PBX3: variants seen among roughly 807,000 people sequenced by gnomAD.
PBX3 encodes the protein pre-B-cell leukemia transcription factor 3.
In PBX3, 14 loss-of-function variants were observed where a neutral mutation model predicts 48.5. That is an observed-to-expected ratio of 0.29 (90% CI 0.19 to 0.45). PBX3 has a LOEUF of 0.45. Among genes scored for constraint, PBX3 ranks in the 20% least tolerant of loss-of-function variants. PBX3 has a pLI of 1.00. For missense variants in PBX3, 386 were observed against 546.7 expected, an observed-to-expected ratio of 0.71 and a Z score of 2.93; for synonymous variants, 210 against 200.3, an observed-to-expected ratio of 1.05 and a Z score of -0.41.
chr9:125,807,697 G>GTT lies in PBX3; in HGVS notation c.274+59083_274+59084dup, dbSNP rs142443633. ...TCTAGATTATTATTGTTAGAAACAT[G>GTT]TTTTTTTTTTATTGTAGGTACATGA... On this transcript the variant is annotated intron_variant, in intron 2 of 8. Transcript: ENST00000373489. Among the ~76,000 whole-genome samples, 14 of 148,640 alleles carry GTT rather than the reference G, an allele frequency of 9.4e-5. No individual in the cohort carries two copies. The East Asian group carries it at 2.0e-3, about 21-fold the overall frequency.
chr9:125,812,923 TA>T (rs1564668819), intron 2 of PBX3, among the ~76,000 whole-genome samples: 1 of 152,220 alleles, frequency 6.6e-6, no homozygotes, highest in African/African-American at 2.4e-5. Context: ...ATAGGGCACT[TA>T]CCATGAATGG....
chr9:125,943,351 TCAAAAAAAAAAAAAAAAAAAAAAAAAA>T (rs1841999231), intron 5 of PBX3, among the ~76,000 whole-genome samples: 1 of 34,716 alleles, frequency 2.9e-5, no homozygotes. Context: ...TGAGACTGTC[TCAAAAAAAAAAAAAAAAAAAAAAAAAA>T]AAAAAAAAAA....
chr9:125,923,641 C>G (rs764611518), intron 3 of PBX3, among the ~76,000 whole-genome samples: 27 of 152,158 alleles, frequency 1.8e-4, no homozygotes, highest in Admixed American at 3.9e-4. Context: ...ACATGGCTCA[C>G]TGAAGCCTCG....
intron 3 of PBX3, among the ~76,000 whole-genome samples, chr9:125,919,135 G>T (rs1019691454): frequency 1.3e-5 from 2 of 152,038 alleles, no homozygotes; most frequent in African/African-American, 4.8e-5. Flanking sequence ...AATAATTCAG[G>T]TACGTTCTGG....
At chr9:125,870,304 A>C (rs1032050688) in intron 2 of PBX3, among the ~76,000 whole-genome samples, 1 of 151,954 alleles carries the variant, frequency 6.6e-6, no homozygotes, top group African/African-American at 2.4e-5. Context: ...CCTGACCTCA[A>C]GTGATCCACC....
chr9:125,885,086 TTACAGTCA>T (rs765088746), intron 2 of PBX3, among the ~76,000 whole-genome samples: 25 of 152,252 alleles, frequency 1.6e-4, no homozygotes, highest in Non-Finnish European at 3.2e-4. Context: ...TATGAATCTG[TTACAGTCA>T]TACAGCTATT....
rs1840154749 is a variant in PBX3, at chr9:125,872,685, A to C, written c.275-43001A>C. Among the ~76,000 whole-genome samples, 3 of 152,040 alleles carry C rather than the reference A, an allele frequency of 2.0e-5. No homozygotes were observed. In the South Asian group the frequency reaches 6.2e-4, roughly 32 times the overall value. ...TGAGGCAGGAGGATCGCTTGAGCCC[A>C]GGAATTTGAGGTTGCAGTGACCTAT... is the stretch of plus-strand genomic sequence containing the variant. On this transcript the variant is annotated intron_variant, in intron 2 of 8. Coordinates refer to ENST00000373489, the MANE Select transcript of PBX3 (RefSeq NM_006195.6).
chr9:125,822,951 T>C (rs533910218), intron 2 of PBX3, among the ~76,000 whole-genome samples: 1 of 151,846 alleles, frequency 6.6e-6, no homozygotes, highest in Admixed American at 6.5e-5. Flanking sequence ...TTGTGGGGTT[T>C]TTTAGTTTTT....
intron 2 of PBX3, among the ~76,000 whole-genome samples, chr9:125,894,173 T>A (rs1267061394): frequency 2.0e-5 from 3 of 152,200 alleles, no homozygotes; most frequent in African/African-American, 7.2e-5. Context: ...CATGATTGGA[T>A]ATCCTGAATA....
intron 2 of PBX3, among the ~76,000 whole-genome samples, chr9:125,750,202 G>A (rs1197738852): frequency 6.6e-6 from 1 of 152,138 alleles, no homozygotes; most frequent in Non-Finnish European, 1.5e-5. Context: ...CCAAGCACTG[G>A]GGTATTGACT....
At chr9:125,837,556 TA>T (rs1411147100) in intron 2 of PBX3, among the ~76,000 whole-genome samples, 1 of 151,990 alleles carries the variant, frequency 6.6e-6, no homozygotes, top group Non-Finnish European at 1.5e-5. Context: ...TTTAAAATGT[TA>T]AAATGAAAAT....
intron 5 of PBX3, among the ~76,000 whole-genome samples, chr9:125,947,234 G>A (rs1564186583): frequency 6.6e-6 from 1 of 152,124 alleles, no homozygotes; most frequent in Non-Finnish European, 1.5e-5. Flanking sequence ...ACAGGAAGGA[G>A]TAGAAAAGCA....
chr9:125,839,536 G>T (rs10986970), intron 2 of PBX3, among the ~76,000 whole-genome samples: 1 of 152,180 alleles, frequency 6.6e-6, no homozygotes, highest in Admixed American at 6.5e-5. Context: ...ATGAACTGAT[G>T]TAACTTCTTC....
At chr9:125,897,679 G>A (rs1397292046) in intron 2 of PBX3, among the ~76,000 whole-genome samples, 1 of 151,776 alleles carries the variant, frequency 6.6e-6, no homozygotes, top group Non-Finnish European at 1.5e-5. Context: ...TGCTATTTGA[G>A]GGCATCTGAT....
intron 2 of PBX3, among the ~76,000 whole-genome samples, chr9:125,810,398 A>G (rs62567224): frequency 3.8e-5 from 5 of 132,702 alleles, no homozygotes; most frequent in East Asian, 2.4e-4. Flanking sequence ...GTGTGTGTGT[A>G]TGGTGGAGCA....
chr9:125,827,453 AT>A (rs527496264), intron 2 of PBX3, among the ~76,000 whole-genome samples: 86 of 152,270 alleles, frequency 5.6e-4, no homozygotes, highest in African/African-American at 2.0e-3. Context: ...TGGTTGGTAC[AT>A]ATTCTTCTCA....
chr9:125,791,281 A>ATCTGTCTG (rs78566375), intron 2 of PBX3, among the ~76,000 whole-genome samples: 1,723 of 143,456 alleles, frequency 0.012, 18 homozygotes, highest in East Asian at 0.035. Context: ...ATACATTTTT[A>ATCTGTCTG]TCTGTCTGTC....
chr9:125,960,375 T>TG (rs1403146351), intron 5 of PBX3, among the ~76,000 whole-genome samples: 1 of 152,258 alleles, frequency 6.6e-6, no homozygotes, highest in Non-Finnish European at 1.5e-5. Context: ...AGCCTGATTT[T>TG]GGGGGCCTGA....
chr9:125,875,664 C>T (rs1840230956), intron 2 of PBX3, among the ~76,000 whole-genome samples: 1 of 152,092 alleles, frequency 6.6e-6, no homozygotes, highest in Admixed American at 6.5e-5. Context: ...TCTGCCGCCA[C>T]CTCGCTTTTC....
Sources: gnomAD v4.1 joint callset for allele counts (sites outside exome capture counted in the v4.1 genomes callset) on GRCh38, gnomAD v4.1.1 for gene constraint, MANE v1.5 for transcripts, NCBI Gene and HGNC (gene_info 2026-07-23, HGNC 2026-07-21) for gene names.